Variants in CNIH3 observed in about 807,000 individuals in gnomAD.
CNIH3 encodes cornichon family AMPA receptor auxiliary protein 3, also known as protein cornichon homolog 3.
A neutral mutation model predicts 24.1 loss-of-function variants in CNIH3; 14 were observed. The ratio of observed to expected loss-of-function variants is 0.58; its 90% CI spans 0.38 to 0.91. The LOEUF is 0.91. Among genes scored for constraint, CNIH3 ranks in the 40% least tolerant of loss-of-function variants. The pLI, the probability that CNIH3 is intolerant of heterozygous loss-of-function variation, is 0.00. For missense variants in CNIH3, 178 were observed against 196.8 expected, an observed-to-expected ratio of 0.90 and a Z score of 0.57; for synonymous variants, 68 against 73.8, an observed-to-expected ratio of 0.92 and a Z score of 0.40.
chr1:224,503,474 C>T (rs1245521155), intron 1 of CNIH3, among the ~76,000 whole-genome samples: 3 of 152,204 alleles, frequency 2.0e-5, no homozygotes, highest in African/African-American at 7.2e-5. Flanking sequence ...CAGGTGGCTC[C>T]CCTGCAGGAG....
intron 3 of CNIH3, among the ~76,000 whole-genome samples, chr1:224,722,609 C>T (rs1688781617): frequency 6.6e-6 from 1 of 152,038 alleles, no homozygotes; most frequent in Non-Finnish European, 1.5e-5. Flanking sequence ...TTACGTGGGA[C>T]CTTGTTAGAA....
Position 224,617,093 on chromosome 1 carries a change from TGGAG to T in CNIH3, c.-77_-74del. On this transcript the variant is annotated 5_prime_UTR_variant, in exon 1 of 6. Coordinates refer to ENST00000272133, the MANE Select transcript of CNIH3 (RefSeq NM_152495.2). ...AGAGGAGCGTGCAGACGCGGCTCCTTGGAGGGAGTGCGGTCCTCTAGGGAGGCAT... is the reference window on the plus strand; with the variant it reads ...AGAGGAGCGTGCAGACGCGGCTCCTTGGAGTGCGGTCCTCTAGGGAGGCAT... 4 of 1,571,516 alleles carry T rather than the reference TGGAG, an allele frequency of 2.5e-6. No individual in the cohort carries two copies. The highest frequency in any genetic ancestry group is 2.6e-6 in the Non-Finnish European group (3 of 1,162,354).
At chr1:224,702,197 A>G (rs1003663516) in intron 3 of CNIH3, among the ~76,000 whole-genome samples, 4 of 152,110 alleles carry the variant, frequency 2.6e-5, no homozygotes, top group Non-Finnish European at 5.9e-5. Flanking sequence ...GTCAATAGCT[A>G]TAGGTTTCTC....
At chr1:224,668,978 C>G (rs1410282126) in intron 1 of CNIH3, among the ~76,000 whole-genome samples, 2 of 152,188 alleles carry the variant, frequency 1.3e-5, no homozygotes, top group Non-Finnish European at 2.9e-5. Flanking sequence ...AGGCTGCCCC[C>G]ACTTCTTCCC....
At chr1:224,605,553 T>G (rs1682382516) in intron 3 of CNIH3, among the ~76,000 whole-genome samples, 1 of 152,226 alleles carries the variant, frequency 6.6e-6, no homozygotes, top group African/African-American at 2.4e-5. Flanking sequence ...TTCCCAGCCA[T>G]TATTCCAGAG....
intron 4 of CNIH3, among the ~76,000 whole-genome samples, chr1:224,581,805 G>A: frequency 6.6e-6 from 1 of 152,028 alleles, no homozygotes; most frequent in African/African-American, 2.4e-5. Context: ...AGGATCTTTG[G>A]GGATAACATT....
chr1:224,569,906 C>T (rs978971831), intron 4 of CNIH3, among the ~76,000 whole-genome samples: 16 of 152,160 alleles, frequency 1.1e-4, no homozygotes, highest in African/African-American at 3.9e-4. Flanking sequence ...GCCTCAGCCT[C>T]CAGAGTAGCT....
chr1:224,451,240 C>T (rs1367247136), intron 1 of CNIH3, among the ~76,000 whole-genome samples: 2 of 152,194 alleles, frequency 1.3e-5, no homozygotes, highest in South Asian at 2.1e-4. Flanking sequence ...CAAGCAAGAG[C>T]CGTGGCTCGG....
At chr1:224,560,046 A>G (rs540584130) in intron 3 of CNIH3, among the ~76,000 whole-genome samples, 2 of 152,304 alleles carry the variant, frequency 1.3e-5, no homozygotes, top group South Asian at 4.1e-4. Flanking sequence ...TGTGAAATTT[A>G]TCTATATTGT....
intron 4 of CNIH3, chr1:224,566,356 A>C (rs902448497): frequency 6.7e-6 from 1 of 150,360 alleles, no homozygotes; most frequent in Non-Finnish European, 1.5e-5. Context: ...ATTAAGCATG[A>C]GTTTAATTTC....
chr1:224,554,988 A>G (rs1210529476), intron 3 of CNIH3, among the ~76,000 whole-genome samples: 2 of 152,164 alleles, frequency 1.3e-5, no homozygotes, highest in African/African-American at 4.8e-5. Flanking sequence ...ATGCAAATAT[A>G]TGGCACAATT....
chr1:224,603,082 G>A (rs1398694459), intron 3 of CNIH3, among the ~76,000 whole-genome samples: 1 of 152,180 alleles, frequency 6.6e-6, no homozygotes, highest in Non-Finnish European at 1.5e-5. Context: ...AGGCTGGAGG[G>A]GAAAGAGGGA....
At chr1:224,705,411 C>A (rs2125184388) in intron 3 of CNIH3, among the ~76,000 whole-genome samples, 1 of 152,336 alleles carries the variant, frequency 6.6e-6, no homozygotes, top group Middle Eastern at 3.4e-3. Flanking sequence ...GCCGCATGTG[C>A]CTTCCATGCA....
At chr1:224,578,532 T>C (rs1681133116) in intron 4 of CNIH3, among the ~76,000 whole-genome samples, 1 of 152,178 alleles carries the variant, frequency 6.6e-6, no homozygotes, top group South Asian at 2.1e-4. Context: ...ATTGTCTTTC[T>C]CTTTCTTAGT....
At chr1:224,639,103 G>A (rs1684231529) in intron 1 of CNIH3, among the ~76,000 whole-genome samples, 1 of 152,206 alleles carries the variant, frequency 6.6e-6, no homozygotes, top group Non-Finnish European at 1.5e-5. Context: ...CAATAGGAAG[G>A]TAAATTCCCA....
At chr1:224,533,457 T>C (rs948404242) in intron 2 of CNIH3, among the ~76,000 whole-genome samples, 3 of 151,998 alleles carry the variant, frequency 2.0e-5, no homozygotes, top group Admixed American at 1.3e-4. Flanking sequence ...CTGTATCACT[T>C]TTCTAGTACT....
chr1:224,558,116 A>G (rs761663325), intron 3 of CNIH3, among the ~76,000 whole-genome samples: 9 of 152,098 alleles, frequency 5.9e-5, no homozygotes, highest in Non-Finnish European at 1.2e-4. Context: ...TCTTGCCTGG[A>G]GTCACTCATG....
chr1:224,699,602 T>C (rs1687372404), intron 3 of CNIH3, among the ~76,000 whole-genome samples: 1 of 152,204 alleles, frequency 6.6e-6, no homozygotes, highest in South Asian at 2.1e-4. Context: ...TCCTCTTCTT[T>C]AAGGACACTA....
chr1:224,674,478 C>T (rs1686038017), intron 1 of CNIH3, among the ~76,000 whole-genome samples: 1 of 151,978 alleles, frequency 6.6e-6, no homozygotes, highest in East Asian at 1.9e-4. Flanking sequence ...TGCTTCCCTG[C>T]TGGTGTTGAG....
Sources: allele counts gnomAD v4.1 joint callset (sites outside exome capture counted in the v4.1 genomes callset), GRCh38; gene constraint gnomAD v4.1.1; transcripts MANE v1.5; gene names NCBI Gene and HGNC (gene_info 2026-07-23, HGNC 2026-07-21).